The following PLB1 variants were observed in gnomAD, a reference collection of about 807,000 sequenced individuals.
PLB1 encodes phospholipase B1.
A neutral mutation model predicts 227.4 loss-of-function variants in PLB1; 242 were observed. That is an observed-to-expected ratio of 1.06 (90% CI 0.96 to 1.18). The LOEUF (loss-of-function observed/expected upper bound fraction) is 1.18, where lower values mean the gene tolerates loss of function less well. Among genes scored for constraint, PLB1 ranks in the 50% most tolerant of loss-of-function variants. The pLI, the probability that PLB1 is intolerant of heterozygous loss-of-function variation, is 0.00. For missense variants in PLB1, 1,858 were observed against 1,816.3 expected, an observed-to-expected ratio of 1.02 and a Z score of -0.42; for synonymous variants, 757 against 682.2, an observed-to-expected ratio of 1.11 and a Z score of -1.71.
rs1236199963 is a variant in PLB1, at chr2:28,554,768, C to T, written c.1147+1777C>T. Reference sequence around the variant, plus strand: ...TTCTGTCATGAAAGTGATAACCAGCCAATCTCATTAGAGCATATCTCAACA... The same window carrying T: ...TTCTGTCATGAAAGTGATAACCAGCTAATCTCATTAGAGCATATCTCAACA... On this transcript the variant is annotated intron_variant, in intron 17 of 57. Coordinates refer to ENST00000327757, the MANE Select transcript of PLB1 (RefSeq NM_153021.5). 2.0e-5 allele frequency among the ~76,000 whole-genome samples: 3 copies of T among 152,032 alleles called. 1 individual carries two copies. The highest frequency in any genetic ancestry group is 4.4e-5 in the Non-Finnish European group (3 of 68,012).
intron 1 of PLB1, among the ~76,000 whole-genome samples, chr2:28,501,463 A>G (rs188031584): frequency 5.9e-5 from 9 of 152,274 alleles, no homozygotes; most frequent in African/African-American, 2.2e-4. Flanking sequence ...ACCTAGTGGC[A>G]TACAGTTAAG....
At chr2:28,524,302 T>A (rs1669930089) in intron 4 of PLB1, among the ~76,000 whole-genome samples, 1 of 152,194 alleles carries the variant, frequency 6.6e-6, no homozygotes, top group Non-Finnish European at 1.5e-5. Context: ...TAAGATTTGC[T>A]AAGTATTTTA....
At position 28,538,307 on chromosome 2, in the gene PLB1, C is replaced by A. The variant is rs1304267826; in HGVS notation, c.556-12C>A. On this transcript the variant is annotated splice_polypyrimidine_tract_variant and intron_variant, in intron 9 of 57. Transcript: ENST00000327757. ...GCAGGCACCCTCACTTAGCACGGTTCTCCTCTCACAGAATGGGCTTGCGGC... is the reference window on the plus strand; with the variant it reads ...GCAGGCACCCTCACTTAGCACGGTTATCCTCTCACAGAATGGGCTTGCGGC... 6.2e-7 allele frequency: 1 copy of A among 1,613,998 alleles called. No homozygotes were observed. Among genetic ancestry groups the A allele is most frequent in the African/African-American group, 1.3e-5 (1 of 74,910 alleles).
At position 28,643,128 on chromosome 2, in the gene PLB1, A is replaced by C. The variant is rs1190015408; in HGVS notation, c.*67A>C. On this transcript the variant is annotated 3_prime_UTR_variant, in exon 58 of 58. Coordinates refer to ENST00000327757, the MANE Select transcript of PLB1 (RefSeq NM_153021.5). ...CTCTTCACCGCCCTCTGCCCCAGCC[A>C]CTCCCGGCCACCAGGACATGCTTCA... 5.7e-6 allele frequency: 8 copies of C among 1,399,852 alleles called. No individual in the cohort carries two copies. Among genetic ancestry groups the C allele is most frequent in the South Asian group, 1.6e-5 (1 of 63,906 alleles). 86.7% of individuals were successfully genotyped at this position (1,399,852 alleles called of 1,614,324 possible). A position where few individuals can be genotyped will look rare whatever the true frequency, so the allele number is the denominator to read the frequency against.
chr2:28,636,601 GGTGA>G (rs560669983), intron 56 of PLB1, among the ~76,000 whole-genome samples: 144 of 152,192 alleles, frequency 9.5e-4, no homozygotes, highest in Admixed American at 8.2e-3. Flanking sequence ...CAGTAGGATG[GGTGA>G]GTAAACTGTG....
intron 1 of PLB1, among the ~76,000 whole-genome samples, chr2:28,499,615 G>A: frequency 6.6e-6 from 1 of 151,898 alleles, no homozygotes. Context: ...GCTGGACGTG[G>A]TGGCTCACAC....
intron 1 of PLB1, among the ~76,000 whole-genome samples, chr2:28,508,891 C>T (rs1423739930): frequency 6.6e-6 from 1 of 152,186 alleles, no homozygotes; most frequent in African/African-American, 2.4e-5. Flanking sequence ...GACCTCAGTG[C>T]CACATGAGTT....
chr2:28,518,232 C>G (rs558090208), intron 2 of PLB1, among the ~76,000 whole-genome samples: 3 of 152,200 alleles, frequency 2.0e-5, no homozygotes, highest in Non-Finnish European at 4.4e-5. Context: ...CTCTCTACTC[C>G]ACTGTTCTGA....
At chr2:28,618,525 T>G in intron 46 of PLB1, 126 bp downstream of exon 46, 1 of 929,584 alleles carries the variant, frequency 1.1e-6, no homozygotes, top group Non-Finnish European at 1.7e-6. Context: ...GGCCTACCCA[T>G]GTCAGGCACT....
rs376921885 is a variant in PLB1 at position 28,607,454 on chromosome 2, C to T, written c.3129+887C>T. Among the ~76,000 whole-genome samples the T allele has an allele frequency of 5.9e-5, 9 of 152,298 alleles. No homozygotes were observed. In the East Asian group the frequency reaches 1.7e-3, roughly 29 times the overall value. On this transcript the variant is annotated intron_variant, in intron 43 of 57. Coordinates refer to ENST00000327757, the MANE Select transcript of PLB1 (RefSeq NM_153021.5). ...CTGCCTGCCCTACCCCAGTCTTGGG[C>T]TCAGGCTCAGTCTTGTGTGCCATCA...
chr2:28,539,034 C>A, intron 10 of PLB1, 65 bp from the exon 11 acceptor site: 3 of 1,359,434 alleles, frequency 2.2e-6, no homozygotes, highest in East Asian at 2.3e-5. Context: ...AGCAGGAGTT[C>A]CAGAAAGCCC....
At chr2:28,636,742 C>G (rs192931850) in intron 56 of PLB1, among the ~76,000 whole-genome samples, 1 of 152,234 alleles carries the variant, frequency 6.6e-6, no homozygotes, top group Non-Finnish European at 1.5e-5. Context: ...GAAGTGACAG[C>G]TGAACAAACT....
rs145689687 is a variant in PLB1 at position 28,612,335 on chromosome 2, C to A, written c.3130-1696C>A. 2.5e-3 allele frequency among the ~76,000 whole-genome samples: 388 copies of A among 152,246 alleles called. 3 individuals carry two copies. The highest frequency in any genetic ancestry group is 8.8e-3 in the African/African-American group (367 of 41,532). Reference sequence around the variant, plus strand: ...CCTCTCTTCCTTTCCCGCTGTCTGACCAACAGGGTTTTTGTTGGCCTGACC... The same window carrying A: ...CCTCTCTTCCTTTCCCGCTGTCTGAACAACAGGGTTTTTGTTGGCCTGACC... On this transcript the variant is annotated intron_variant, in intron 43 of 57. Coordinates refer to ENST00000327757, the MANE Select transcript of PLB1 (RefSeq NM_153021.5).
intron 25 of PLB1, among the ~76,000 whole-genome samples, chr2:28,584,074 C>T (rs893174964): frequency 6.6e-6 from 1 of 152,140 alleles, no homozygotes; most frequent in African/African-American, 2.4e-5. Flanking sequence ...CTCTGTTACT[C>T]GGTACAGGTC....
intron 19 of PLB1, among the ~76,000 whole-genome samples, chr2:28,566,060 G>A (rs1356093289): frequency 6.6e-6 from 1 of 152,136 alleles, no homozygotes; most frequent in Non-Finnish European, 1.5e-5. Context: ...CTCTGTATGT[G>A]ATCAAACCTC....
intron 22 of PLB1, among the ~76,000 whole-genome samples, chr2:28,578,895 G>A (rs928993686): frequency 6.6e-6 from 1 of 152,066 alleles, no homozygotes; most frequent in African/African-American, 2.4e-5. Flanking sequence ...TTTTGGAAGT[G>A]TAGATCAGGG....
At chr2:28,496,302 TAAG>T (rs1666427146) in intron 1 of PLB1, 133 bp downstream of exon 1, 3 of 931,670 alleles carry the variant, frequency 3.2e-6, no homozygotes, top group Admixed American at 5.4e-5. Context: ...AGTTCAAGAA[TAAG>T]AAGTCTGGTT....
chr2:28,620,988 T>C lies in PLB1; in HGVS notation c.3527+10T>C, dbSNP rs752725828. Reference sequence around the variant, plus strand: ...AAGGGGCCAGAGCTAGGTGAGTAGATGCCGTACAGGAGGGCGAGTGGAAGG... The same window carrying C: ...AAGGGGCCAGAGCTAGGTGAGTAGACGCCGTACAGGAGGGCGAGTGGAAGG... On this transcript the variant is annotated intron_variant, in intron 49 of 57. Coordinates refer to ENST00000327757, the MANE Select transcript of PLB1 (RefSeq NM_153021.5). The C allele has an allele frequency of 6.2e-7, 1 of 1,603,102 alleles. No homozygotes were observed.
At chr2:28,594,023 G>T in intron 33 of PLB1, 1 of 719,254 alleles carries the variant, frequency 1.4e-6, no homozygotes, top group Non-Finnish European at 2.6e-6. Context: ...AATCCAACAG[G>T]AAATGCACCA....
Sources: allele counts gnomAD v4.1 joint callset (sites outside exome capture counted in the v4.1 genomes callset), GRCh38; gene constraint gnomAD v4.1.1; transcripts MANE v1.5; gene names NCBI Gene and HGNC (gene_info 2026-07-23, HGNC 2026-07-21).